ATRNL1: variants seen among roughly 807,000 people sequenced by gnomAD.
ATRNL1 encodes attractin like 1.
In ATRNL1, 95 loss-of-function variants were observed where a neutral mutation model predicts 182.7. That is an observed-to-expected ratio of 0.52 (90% CI 0.44 to 0.62). ATRNL1 has a LOEUF of 0.62. Ranked by LOEUF, ATRNL1 falls within the 20% of genes least tolerant of loss-of-function variation. The pLI is 0.00. For synonymous variants in ATRNL1, 576 were observed against 568.3 expected (o/e 1.01, Z -0.19); for missense variants, 1,471 against 1,679.5 (o/e 0.88, Z 2.17).
At chr10:115,254,307 G>C (rs989633343) in intron 10 of ATRNL1, among the ~76,000 whole-genome samples, 1 of 152,098 alleles carries the variant, frequency 6.6e-6, no homozygotes. Context: ...GTTGTTTCCT[G>C]ACTTTTTAAT....
intron 28 of ATRNL1, among the ~76,000 whole-genome samples, chr10:115,913,629 A>G (rs1230109048): frequency 2.0e-5 from 3 of 152,230 alleles, no homozygotes; most frequent in African/African-American, 7.2e-5. Flanking sequence ...TAACTCATAG[A>G]TGGCTTTCAG....
chr10:115,254,464 C>G (rs1554906221), intron 10 of ATRNL1, among the ~76,000 whole-genome samples: 1 of 152,108 alleles, frequency 6.6e-6, no homozygotes, highest in African/African-American at 2.4e-5. Flanking sequence ...ATGTCCTTTG[C>G]CCACTTTTTG....
intron 26 of ATRNL1, among the ~76,000 whole-genome samples, chr10:115,621,292 G>T (rs1245571403): frequency 2.2e-4 from 28 of 124,794 alleles, no homozygotes; most frequent in Admixed American, 1.2e-3. Context: ...GAGAGAGAGA[G>T]AGAGAGAGAG....
At chr10:115,513,239 T>C (rs2133681633) in intron 24 of ATRNL1, among the ~76,000 whole-genome samples, 1 of 152,062 alleles carries the variant, frequency 6.6e-6, no homozygotes, top group Non-Finnish European at 1.5e-5. Flanking sequence ...CCAGATACAC[T>C]TGAACCTAAT....
At chr10:115,430,993 A>T (rs560365283) in intron 21 of ATRNL1, among the ~76,000 whole-genome samples, 1 of 152,276 alleles carries the variant, frequency 6.6e-6, no homozygotes, top group African/African-American at 2.4e-5. Flanking sequence ...AGAAAATAAT[A>T]ATTGTAGATG....
intron 28 of ATRNL1, among the ~76,000 whole-genome samples, chr10:115,907,925 C>T (rs1454161558): frequency 3.3e-5 from 5 of 152,072 alleles, no homozygotes; most frequent in African/African-American, 1.2e-4. Flanking sequence ...CTGAATAAGG[C>T]AAAGAAGAAA....
intron 19 of ATRNL1, among the ~76,000 whole-genome samples, chr10:115,378,913 C>A (rs1164551287): frequency 6.6e-6 from 1 of 152,006 alleles, no homozygotes; most frequent in African/African-American, 2.4e-5. Flanking sequence ...AAGTATATGA[C>A]AGTTGATGAT....
chr10:115,545,762 A>G (rs1852619882), intron 25 of ATRNL1, among the ~76,000 whole-genome samples: 2 of 152,344 alleles, frequency 1.3e-5, no homozygotes, highest in East Asian at 1.9e-4. Context: ...ACTTTTCTAT[A>G]TACACTATTA....
At chr10:115,651,121 C>T (rs1555034216) in intron 26 of ATRNL1, among the ~76,000 whole-genome samples, 2 of 152,110 alleles carry the variant, frequency 1.3e-5, no homozygotes, top group Non-Finnish European at 1.5e-5. Flanking sequence ...TTGGCCACGA[C>T]TTAGTTTATA....
intron 20 of ATRNL1, among the ~76,000 whole-genome samples, chr10:115,401,641 A>T (rs1158697662): frequency 6.6e-6 from 1 of 152,164 alleles, no homozygotes; most frequent in African/African-American, 2.4e-5. Context: ...TTGAAATCCT[A>T]CCACATGTCA....
At chr10:115,673,101 A>T (rs1945750753) in intron 26 of ATRNL1, among the ~76,000 whole-genome samples, 1 of 152,010 alleles carries the variant, frequency 6.6e-6, no homozygotes. Context: ...GTGTTCATTA[A>T]AGCTTGCAGA....
intron 28 of ATRNL1, among the ~76,000 whole-genome samples, chr10:115,870,034 CT>C (rs1951543935): frequency 1.0e-5 from 1 of 100,456 alleles, no homozygotes. Context: ...CTGGGTAAAA[CT>C]TTTGTCCACA....
intron 8 of ATRNL1, among the ~76,000 whole-genome samples, chr10:115,193,805 A>G (rs1848254394): frequency 6.7e-6 from 1 of 149,054 alleles, no homozygotes; most frequent in African/African-American, 2.5e-5. Flanking sequence ...GTTTATTTGA[A>G]GCTTTTCTAT....
chr10:115,206,802 C>A (rs1848816288), intron 8 of ATRNL1, among the ~76,000 whole-genome samples: 1 of 152,114 alleles, frequency 6.6e-6, no homozygotes, highest in East Asian at 1.9e-4. Flanking sequence ...TCGTCATTTA[C>A]ATTAGGTATT....
At chr10:115,670,572 A>G (rs1164386050) in intron 26 of ATRNL1, among the ~76,000 whole-genome samples, 4 of 152,128 alleles carry the variant, frequency 2.6e-5, no homozygotes, top group Non-Finnish European at 4.4e-5. Flanking sequence ...GGCAAAGTAA[A>G]ACACTGTCTT....
intron 25 of ATRNL1, among the ~76,000 whole-genome samples, chr10:115,543,267 A>G: frequency 6.6e-6 from 1 of 152,060 alleles, no homozygotes; most frequent in East Asian, 1.9e-4. Context: ...TGGGCTTTTG[A>G]TTTTTCATCT....
At chr10:115,612,027 G>A (rs908279539) in intron 26 of ATRNL1, among the ~76,000 whole-genome samples, 2 of 152,242 alleles carry the variant, frequency 1.3e-5, no homozygotes, top group Admixed American at 1.3e-4. Flanking sequence ...GAGGCAAGTG[G>A]ATCACCTGAG....
intron 26 of ATRNL1, among the ~76,000 whole-genome samples, chr10:115,602,407 A>G (rs978568493): frequency 2.7e-5 from 4 of 149,380 alleles, no homozygotes; most frequent in African/African-American, 1.0e-4. Context: ...AATACTTCTG[A>G]CACTAAATGT....
intron 15 of ATRNL1, among the ~76,000 whole-genome samples, chr10:115,287,271 A>G (rs1461954754): frequency 6.6e-5 from 10 of 152,038 alleles, no homozygotes; most frequent in Non-Finnish European, 2.9e-5. Context: ...TGGCTACTTC[A>G]TATGTTTATT....
Sources: allele counts gnomAD v4.1 joint callset (sites outside exome capture counted in the v4.1 genomes callset), GRCh38; gene constraint gnomAD v4.1.1; transcripts MANE v1.5; gene names NCBI Gene and HGNC (gene_info 2026-07-23, HGNC 2026-07-21).